PCDHA1: variants seen among roughly 807,000 people sequenced by gnomAD.
PCDHA1 encodes protocadherin alpha-1.
A neutral mutation model predicts 61.3 loss-of-function variants in PCDHA1; 42 were observed. The ratio of observed to expected loss-of-function variants is 0.69; its 90% CI spans 0.54 to 0.89. The LOEUF is 0.89. Ranked by LOEUF, PCDHA1 falls within the 40% of genes least tolerant of loss-of-function variation. The probability of loss-of-function intolerance (pLI) is 0.00; values close to 1 mark genes in which losing one functional copy is unlikely to be tolerated. For synonymous variants in PCDHA1, 610 were observed against 553.8 expected (o/e 1.10, Z -1.43); for missense variants, 1,256 against 1,235.3 (o/e 1.02, Z -0.25).
chr5:140,818,184 T>G (rs1256179739), intron 1 of PCDHA1, among the ~76,000 whole-genome samples: 2 of 152,254 alleles, frequency 1.3e-5, no homozygotes, highest in Admixed American at 6.5e-5. Flanking sequence ...TATTCTTCTG[T>G]GACTATAAGT....
intron 1 of PCDHA1, among the ~76,000 whole-genome samples, chr5:140,931,548 G>C (rs2087590460): frequency 6.6e-6 from 1 of 151,968 alleles, no homozygotes; most frequent in African/African-American, 2.4e-5. Flanking sequence ...CTGTTCATAT[G>C]TGCAGGAATA....
intron 1 of PCDHA1, chr5:140,927,928 T>C: frequency 6.2e-7 from 1 of 1,614,214 alleles, no homozygotes; most frequent in Non-Finnish European, 8.5e-7. Context: ...CCTGACTCTT[T>C]CGAACCCAGT....
At chr5:140,826,769 A>G (rs141336818) in intron 1 of PCDHA1, among the ~76,000 whole-genome samples, 1 of 152,326 alleles carries the variant, frequency 6.6e-6, no homozygotes, top group East Asian at 1.9e-4. Context: ...ATTGGAGAGT[A>G]ATTGAAAATA....
rs149187292 is a variant in PCDHA1, at chr5:140,789,321, G to A, written c.2394+637G>A. Among the ~76,000 whole-genome samples the A allele has an allele frequency of 1.7e-3, 254 of 152,202 alleles. 1 individual carries two copies. The highest frequency in any genetic ancestry group is 5.9e-3 in the African/African-American group (246 of 41,528). On this transcript the variant is annotated intron_variant, in intron 1 of 3. Transcript: ENST00000504120. ...AAAAACATTGGCCAGGCCTGGTGGT[G>A]GGCGCCTGTAATCCCAGCTAATGGG...
intron 1 of PCDHA1, among the ~76,000 whole-genome samples, chr5:140,818,324 C>T (rs2150100800): frequency 6.6e-6 from 1 of 152,092 alleles, no homozygotes; most frequent in Admixed American, 6.6e-5. Context: ...GGAATTTTAT[C>T]TTGTTATTCT....
chr5:140,850,208 G>A lies in PCDHA1; in HGVS notation c.2394+61524G>A, dbSNP rs2150473240. On this transcript the variant is annotated intron_variant, in intron 1 of 3. Transcript: ENST00000504120. Reference sequence around the variant, plus strand: ...CGGCGCTGCTGACACCTCGGATGAGGGGCACTGACGGCGCAGTGAGCGAGA... The same window carrying A: ...CGGCGCTGCTGACACCTCGGATGAGAGGCACTGACGGCGCAGTGAGCGAGA... 6.3e-6 allele frequency: 10 copies of A among 1,593,574 alleles called. 2 individuals carry two copies. The highest frequency in any genetic ancestry group is 6.9e-6 in the Non-Finnish European group (8 of 1,167,640).
chr5:140,960,665 G>A (rs1180311598), intron 1 of PCDHA1, among the ~76,000 whole-genome samples: 2 of 152,066 alleles, frequency 1.3e-5, no homozygotes, highest in Non-Finnish European at 2.9e-5. Context: ...TGAATGCTTT[G>A]GCTAAAACCT....
At chr5:140,800,063 T>A (rs549802801) in intron 1 of PCDHA1, among the ~76,000 whole-genome samples, 15 of 152,220 alleles carry the variant, frequency 9.9e-5, no homozygotes, top group Middle Eastern at 6.8e-3. Flanking sequence ...TAACAACTTT[T>A]AAAAAAACTG....
At chr5:140,827,906 A>G in intron 1 of PCDHA1, 1 of 808,566 alleles carries the variant, frequency 1.2e-6, no homozygotes, top group South Asian at 1.8e-5. Context: ...TTGGAGCCGC[A>G]TGATGTCGCT....
In PCDHA1 at chr5:140,979,008, G is replaced by T; in HGVS notation, c.2453+1G>T. 1 of 1,613,990 alleles carries T rather than the reference G, an allele frequency of 6.2e-7. No individual in the cohort carries two copies. The highest frequency in any genetic ancestry group is 1.3e-5 in the African/African-American group (1 of 75,044). ...CCTCCCTGAGAGCAGGCATGCACAG[G>T]TATGTATTTCCCTCCTCATTCACTC... On this transcript the variant is annotated splice_donor_variant, in intron 2 of 3. Transcript: ENST00000504120. LOFTEE classifies it high-confidence loss of function.
At chr5:140,829,795 T>C (rs1166069883) in intron 1 of PCDHA1, 11 of 1,613,604 alleles carry the variant, frequency 6.8e-6, no homozygotes, top group Non-Finnish European at 9.3e-6. Flanking sequence ...TGCTGGCGCC[T>C]CGGGTGGGTG....
rs1207415477 is a variant in PCDHA1 at position 140,980,276 on chromosome 5, T to C, written c.2453+1269T>C. 1.3e-5 allele frequency among the ~76,000 whole-genome samples: 2 copies of C among 152,224 alleles called. 1 individual carries two copies. The highest frequency in any genetic ancestry group is 2.9e-5 in the Non-Finnish European group (2 of 68,040). On this transcript the variant is annotated intron_variant, in intron 2 of 3. Transcript: ENST00000504120. ...AAAGCATGGTTTACAGTACCAACTC[T>C]TGAAAAGTACCAAAGCTATGAGTTG... is the stretch of plus-strand genomic sequence containing the variant.
At chr5:140,847,483 T>C (rs1445193080) in intron 1 of PCDHA1, 2 of 149,968 alleles carry the variant, frequency 1.3e-5, no homozygotes, top group Non-Finnish European at 3.0e-5. Flanking sequence ...TGGAATAAGA[T>C]AGTAAAACTC....
intron 1 of PCDHA1, chr5:140,929,052 C>G (rs1379551578): frequency 6.2e-7 from 1 of 1,614,058 alleles, no homozygotes; most frequent in African/African-American, 1.3e-5. Context: ...GCTGCTGTCG[C>G]TCTACAGAGG....
intron 1 of PCDHA1, chr5:140,877,318 G>A: frequency 6.2e-7 from 1 of 1,614,000 alleles, no homozygotes; most frequent in Non-Finnish European, 8.5e-7. Context: ...ACCGGCGGCG[G>A]TCGGCGCGCA....
Position 140,973,415 on chromosome 5 carries a change from A to C in PCDHA1, c.2395-5534A>C, listed in dbSNP as rs552618579. On this transcript the variant is annotated intron_variant, in intron 1 of 3. Coordinates refer to ENST00000504120, the MANE Select transcript of PCDHA1 (RefSeq NM_018900.4). ...AATCATATCTATGAGCTTCCACTCC[A>C]GTTTTTCATCCTCTGATGGTCACTT... Among the ~76,000 whole-genome samples the C allele has an allele frequency of 1.8e-3, 272 of 152,344 alleles. 1 individual carries two copies. Among genetic ancestry groups the C allele is most frequent in the Non-Finnish European group, 3.1e-3 (212 of 68,028 alleles).
chr5:140,836,171 A>G lies in PCDHA1; in HGVS notation c.2394+47487A>G, dbSNP rs2150254615. 35 of 1,613,728 alleles carry G rather than the reference A, an allele frequency of 2.2e-5. 2 individuals carry two copies. The South Asian group carries it at 2.5e-4, about 12-fold the overall frequency. On this transcript the variant is annotated intron_variant, in intron 1 of 3. Transcript: ENST00000504120. The stretch of plus-strand genomic sequence containing the variant: ...GCCATGTGGTGGCGAAGGTACGTGC[A>G]GTTGACGCTGACTCAGGCTACAACG...
At position 140,879,168 on chromosome 5, in the gene PCDHA1, A is replaced by G. The variant is rs2057882676; in HGVS notation, c.2394+90484A>G. Among the ~76,000 whole-genome samples, 5 of 152,334 alleles carry G rather than the reference A, an allele frequency of 3.3e-5. 1 individual carries two copies. Among genetic ancestry groups the G allele is most frequent in the Admixed American group, 6.5e-5 (1 of 15,308 alleles). On this transcript the variant is annotated intron_variant, in intron 1 of 3. Coordinates refer to ENST00000504120, the MANE Select transcript of PCDHA1 (RefSeq NM_018900.4). ...AGGAAAGCTATTTCTTTTTTAATAAATTAGGTATCAAGTAATGGAGACTTA... is the reference window on the plus strand; with the variant it reads ...AGGAAAGCTATTTCTTTTTTAATAAGTTAGGTATCAAGTAATGGAGACTTA...
At chr5:140,897,785 A>G (rs1246213890) in intron 1 of PCDHA1, among the ~76,000 whole-genome samples, 1 of 152,148 alleles carries the variant, frequency 6.6e-6, no homozygotes, top group Non-Finnish European at 1.5e-5. Context: ...CAATGGTTGA[A>G]CTAGTTTAGA....
Sources: gnomAD v4.1 joint callset for allele counts (sites outside exome capture counted in the v4.1 genomes callset) on GRCh38, gnomAD v4.1.1 for gene constraint, MANE v1.5 for transcripts, NCBI Gene and HGNC (gene_info 2026-07-23, HGNC 2026-07-21) for gene names.